Variants in CEP350 observed in about 807,000 individuals in gnomAD.
CEP350 encodes the protein centrosomal protein 350.
A neutral mutation model predicts 331.8 loss-of-function variants in CEP350; 126 were observed. That is an observed-to-expected ratio of 0.38 (90% CI 0.33 to 0.44). The LOEUF (loss-of-function observed/expected upper bound fraction) is 0.44. Among genes scored for constraint, CEP350 ranks in the 20% least tolerant of loss-of-function variants. The pLI is 1.00. For synonymous variants in CEP350, 1,200 were observed against 1,259.5 expected, an observed-to-expected ratio of 0.95 and a Z score of 1.00; for missense variants, 3,406 against 3,634.6, an observed-to-expected ratio of 0.94 and a Z score of 1.62.
intron 17 of CEP350, among the ~76,000 whole-genome samples, chr1:180,037,939 G>A (rs533297265): frequency 1.2e-4 from 19 of 152,232 alleles, no homozygotes; most frequent in African/African-American, 2.6e-4. Flanking sequence ...GTGAGCCACC[G>A]CGCCTGGCCC....
rs1653986102 is a variant in CEP350 at position 180,003,201 on chromosome 1, G to A, written c.1046G>A (p.Arg349Gln). The A allele has an allele frequency of 3.7e-6, 6 of 1,613,028 alleles. No individual in the cohort carries two copies. The highest frequency in any genetic ancestry group is 1.6e-4 in the Middle Eastern group (1 of 6,062). ...TTCAACCCTTCAGAGACCAAGATTC[G>A]AACACCTGATGGGAAAGTGTGGCAG... ...KGFNPSETKI[R>Q]TPDGKVWQEA... is the part of the protein sequence containing the mutation. The change falls in exon 7 of 38, where the codon CGA (arginine) becomes CAA (glutamine). Residue 349 changes from arginine (R) to glutamine (Q), a missense_variant. By Grantham distance (43) the Arg-to-Gln change is conservative. Coordinates refer to ENST00000367607, the MANE Select transcript of CEP350 (RefSeq NM_014810.5).
In CEP350 at chr1:180,041,752, C is replaced by G. The variant is rs1656772371; in HGVS notation, c.4312C>G (p.Gln1438Glu). 6.2e-7 allele frequency: 1 copy of G among 1,612,934 alleles called. No homozygotes were observed. The change falls in exon 19 of 38, where the codon CAG (glutamine) becomes GAG (glutamate). Residue 1438 changes from glutamine (Q) to glutamate (E), a missense_variant. Coordinates refer to ENST00000367607, the MANE Select transcript of CEP350 (RefSeq NM_014810.5). The part of the protein sequence containing the change: ...QEATCKIAAQ[Q>E]SETARLTTDA... Reference sequence around the variant, plus strand: ...AGCAACGTGTAAAATAGCAGCTCAGCAGTCAGAAACTGCTCGCCTCACCAC... The same window carrying G: ...AGCAACGTGTAAAATAGCAGCTCAGGAGTCAGAAACTGCTCGCCTCACCAC...
intron 27 of CEP350, among the ~76,000 whole-genome samples, chr1:180,065,633 C>T (rs1658502510): frequency 6.6e-6 from 1 of 151,642 alleles, no homozygotes; most frequent in South Asian, 2.1e-4. Flanking sequence ...AAAAAATTAG[C>T]TGGGCATGGT....
At chr1:180,060,420 C>T (rs776935417) in intron 25 of CEP350, among the ~76,000 whole-genome samples, 6 of 152,154 alleles carry the variant, frequency 3.9e-5, no homozygotes, top group Admixed American at 1.3e-4. Context: ...AGGCCAAAGA[C>T]AGATCACTTG....
chr1:179,981,869 G>GAGATT (rs1652293223), intron 1 of CEP350, among the ~76,000 whole-genome samples: 1 of 151,968 alleles, frequency 6.6e-6, no homozygotes, highest in Non-Finnish European at 1.5e-5. Context: ...CCATGGTGGT[G>GAGATT]TGTACCTGTA....
rs112422908 is a variant in CEP350 at position 180,080,945 on chromosome 1, C to T, written c.6124+284C>T. On this transcript the variant is annotated intron_variant, in intron 30 of 37. Transcript: ENST00000367607. Reference sequence around the variant, plus strand: ...TGCGATCTTGTCTCACTGCAACCTCCGCCTCCCAGGGTCAAGCAATTCTCC... The same window carrying T: ...TGCGATCTTGTCTCACTGCAACCTCTGCCTCCCAGGGTCAAGCAATTCTCC... Among the ~76,000 whole-genome samples, 125 of 152,130 alleles carry T rather than the reference C, an allele frequency of 8.2e-4. 2 individuals carry two copies. The highest frequency in any genetic ancestry group is 2.9e-3 in the African/African-American group (120 of 41,510).
rs1655278223 is a variant in CEP350 at position 180,020,809 on chromosome 1, TAAAAG to T, written c.3041_3045del (p.Glu1014GlyfsTer9). 6.2e-7 allele frequency: 1 copy of T among 1,613,060 alleles called. No individual in the cohort carries two copies. Among genetic ancestry groups the T allele is most frequent in the Non-Finnish European group, 8.5e-7 (1 of 1,179,736 alleles). On this transcript the variant is annotated frameshift_variant, in exon 12 of 38. Transcript: ENST00000367607. LOFTEE classifies it high-confidence loss of function. Reference sequence around the variant, plus strand: ...CCCCTTTTGAAAGTAGCAGAAATTTTAAAAGAAAAGGAATTTTGTCCTGGAGAAAG... The same window carrying T: ...CCCCTTTTGAAAGTAGCAGAAATTTTAAAAGGAATTTTGTCCTGGAGAAAG...
intron 18 of CEP350, 39 bp downstream of exon 18, chr1:180,041,287 A>G (rs1656743955): frequency 1.4e-6 from 2 of 1,396,134 alleles, no homozygotes; most frequent in Non-Finnish European, 2.0e-6. Context: ...TTTTAAACCT[A>G]AATTTGTATC....
chr1:180,018,088 C>T (rs1453988241), intron 11 of CEP350, among the ~76,000 whole-genome samples: 1 of 152,206 alleles, frequency 6.6e-6, no homozygotes, highest in Non-Finnish European at 1.5e-5. Context: ...TTACTGCAGC[C>T]TCAACCTCTT....
At chr1:180,053,413 G>C (rs546312548) in intron 23 of CEP350, among the ~76,000 whole-genome samples, 1 of 152,202 alleles carries the variant, frequency 6.6e-6, no homozygotes, top group Non-Finnish European at 1.5e-5. Flanking sequence ...TCTAGCTTTT[G>C]TACTTGCTTC....
rs10683347 is a variant in CEP350, at chr1:179,991,318, T to TC, written c.235+697_235+698insC. ...ATTCTGTGGTTTCTTTCTTTTCTTT[T>TC]TTTTTTTTTTTTTTTTGAGACAGAG... is the stretch of plus-strand genomic sequence containing the variant. On this transcript the variant is annotated intron_variant, in intron 4 of 37. Coordinates refer to ENST00000367607, the MANE Select transcript of CEP350 (RefSeq NM_014810.5). Among the ~76,000 whole-genome samples the TC allele has an allele frequency of 6.7e-3, 831 of 123,910 alleles. 4 individuals are homozygous for TC. Among genetic ancestry groups the TC allele is most frequent in the African/African-American group, 0.028 (780 of 28,192 alleles). The allele number at this position is 123,910 out of a possible 152,430, so 81.3% of individuals were successfully genotyped here. A position where few individuals can be genotyped will look rare whatever the true frequency, so the allele number is the denominator to read the frequency against.
intron 37 of CEP350, among the ~76,000 whole-genome samples, chr1:180,102,930 A>C (rs563090749): frequency 1.4e-3 from 208 of 152,224 alleles, no homozygotes; most frequent in Non-Finnish European, 2.5e-3. Context: ...AACGACACAG[A>C]CACACATACA....
rs1656957756 is a variant in CEP350 at position 180,044,114 on chromosome 1, G to A, written c.4563G>A (p.Lys1521=). 1 of 1,563,968 alleles carries A rather than the reference G, an allele frequency of 6.4e-7. No homozygotes were observed. Among genetic ancestry groups the A allele is most frequent in the African/African-American group, 1.4e-5 (1 of 73,898 alleles). ...GGACCCTTGACTCAAAGCATCAGAA[G>A]TATTCTGCTTCATATGATAGTTATT... ...KEGTLDSKHQ[K]YSASYDSYSE... is the part of the protein sequence containing the mutation. The change falls in exon 21 of 38, where the codon AAG becomes AAA. Residue 1521 remains lysine, a synonymous_variant. Transcript: ENST00000367607.
intron 7 of CEP350, 28 bp downstream of exon 7, chr1:180,003,315 A>G (rs1460387125): frequency 4.3e-6 from 6 of 1,408,870 alleles, no homozygotes; most frequent in Non-Finnish European, 5.9e-6. Context: ...TTATGTTTTG[A>G]GTATTTTGTC....
chr1:180,071,459 C>CAAA (rs35037785), intron 27 of CEP350, among the ~76,000 whole-genome samples: 3 of 76,194 alleles, frequency 3.9e-5, no homozygotes, highest in Non-Finnish European at 5.5e-5. Context: ...AACTCCATCT[C>CAAA]AAAAAAAAAA....
At position 180,004,873 on chromosome 1, in the gene CEP350, G is replaced by GGCTTGCTTGCTTGCTTGCTTGCTT. The variant is rs142057657; in HGVS notation, c.1133-1568_1133-1545dup. Among the ~76,000 whole-genome samples the GGCTTGCTTGCTTGCTTGCTTGCTT allele has an allele frequency of 1.5e-4, 15 of 100,610 alleles. 1 individual carries two copies. Among genetic ancestry groups the GGCTTGCTTGCTTGCTTGCTTGCTT allele is most frequent in the South Asian group, 7.7e-4 (2 of 2,594 alleles). 66.0% of individuals were successfully genotyped at this position (100,610 alleles called of 152,430 possible). Reference sequence around the variant, plus strand: ...CAGAGCTTGGGCAGGCAGGCTGGCTGGCTTGCTTGCTTGCTTGCTTGCTTG... The same window carrying GGCTTGCTTGCTTGCTTGCTTGCTT: ...CAGAGCTTGGGCAGGCAGGCTGGCTGGCTTGCTTGCTTGCTTGCTTGCTTGCTTGCTTGCTTGCTTGCTTGCTTG... On this transcript the variant is annotated intron_variant, in intron 7 of 37. Coordinates refer to ENST00000367607, the MANE Select transcript of CEP350 (RefSeq NM_014810.5).
In CEP350 at chr1:179,968,883, C is replaced by T. The variant is rs1046876436; in HGVS notation, c.-14+13741C>T. The stretch of plus-strand genomic sequence containing the variant: ...CCGCTGATGTCAGTGTCATATTCTG[C>T]AGAAATACTGGCCAGAAGGCTGTGT... On this transcript the variant is annotated intron_variant, in intron 1 of 37. Coordinates refer to ENST00000367607, the MANE Select transcript of CEP350 (RefSeq NM_014810.5). 11 of 750,694 alleles carry T rather than the reference C, an allele frequency of 1.5e-5. No homozygotes were observed. The Admixed American group carries it at 1.7e-4, about 12-fold the overall frequency. The allele number at this position is 750,694 out of a possible 1,614,324, so 46.5% of individuals were successfully genotyped here. A position where few individuals can be genotyped will look rare whatever the true frequency, so the allele number is the denominator to read the frequency against.
Position 180,014,395 on chromosome 1 carries a change from C to T in CEP350, c.1942C>T (p.Pro648Ser), listed in dbSNP as rs1558100585. ...EAFTKVKNVPPSEPSATRRLQ... is the reference protein window; with the variant it reads ...EAFTKVKNVPSSEPSATRRLQ... ...CTTTACTAAAGTAAAAAATGTCCCT[C>T]CTTCTGAGCCATCAGCAACTAGGCG... The change falls in exon 10 of 38, where the codon CCT becomes TCT. Residue 648 changes from proline to serine, a missense_variant. By Grantham distance (74) the Pro-to-Ser change is moderately conservative. Transcript: ENST00000367607. 1.2e-6 allele frequency: 2 copies of T among 1,601,420 alleles called. No individual in the cohort carries two copies. Among genetic ancestry groups the T allele is most frequent in the Admixed American group, 1.7e-5 (1 of 57,696 alleles).
chr1:180,034,835 A>T (rs557053784), intron 16 of CEP350, among the ~76,000 whole-genome samples: 30 of 152,244 alleles, frequency 2.0e-4, no homozygotes, highest in African/African-American at 7.2e-4. Context: ...AAATTAGGCC[A>T]ATTACTAACC....
Sources: allele counts gnomAD v4.1 joint callset (sites outside exome capture counted in the v4.1 genomes callset), GRCh38; gene constraint gnomAD v4.1.1; transcripts MANE v1.5; gene names NCBI Gene and HGNC (gene_info 2026-07-23, HGNC 2026-07-21).